Variants in DLGAP2 observed in about 807,000 individuals in gnomAD.
DLGAP2 encodes DLG associated protein 2.
In DLGAP2, 26 loss-of-function variants were observed where a neutral mutation model predicts 100.3. The observed-to-expected ratio is 0.26, with a 90% CI of 0.19 to 0.36. The LOEUF (loss-of-function observed/expected upper bound fraction) is 0.36, where lower values mean the gene tolerates loss of function less well. DLGAP2 is among the 10% of genes least tolerant of loss of function. The probability of loss-of-function intolerance (pLI) is 1.00; values close to 1 mark genes in which losing one functional copy is unlikely to be tolerated. For synonymous variants in DLGAP2, 886 were observed against 630.1 expected, an observed-to-expected ratio of 1.41 and a Z score of -6.08; for missense variants, 1,858 against 1,453.2, an observed-to-expected ratio of 1.28 and a Z score of -4.53.
At chr8:1,660,090 C>T (rs768390159) in intron 8 of DLGAP2, among the ~76,000 whole-genome samples, 11 of 152,058 alleles carry the variant, frequency 7.2e-5, no homozygotes, top group Admixed American at 2.0e-4. Context: ...TTTTATTTCT[C>T]CTTCACTTAT....
intron 2 of DLGAP2, among the ~76,000 whole-genome samples, chr8:1,045,738 C>T (rs1309369318): frequency 1.3e-5 from 2 of 152,142 alleles, no homozygotes; most frequent in Non-Finnish European, 2.9e-5. Flanking sequence ...TGTGTGTTGT[C>T]TGTTTTGTTC....
At position 1,045,920 on chromosome 8, in the gene DLGAP2, A is replaced by C. The variant is rs117439783; in HGVS notation, c.73+137954A>C. 1.4e-3 allele frequency among the ~76,000 whole-genome samples: 218 copies of C among 152,290 alleles called. 7 individuals are homozygous for C. The East Asian group carries it at 0.032, about 22-fold the overall frequency. On this transcript the variant is annotated intron_variant, in intron 2 of 14. Coordinates refer to ENST00000637795, the MANE Select transcript of DLGAP2 (RefSeq NM_001346810.2). Reference sequence around the variant, plus strand: ...GTTGACTCCCAGACCTGCCGTTTGTAATCAAGTTTAACGGGGCTTGGGTCC... The same window carrying C: ...GTTGACTCCCAGACCTGCCGTTTGTCATCAAGTTTAACGGGGCTTGGGTCC...
chr8:1,474,710 A>AC (rs1212763735), intron 3 of DLGAP2, among the ~76,000 whole-genome samples: 18 of 152,174 alleles, frequency 1.2e-4, no homozygotes, highest in African/African-American at 3.9e-4. Flanking sequence ...GGCTTTTGTT[A>AC]AAAGGTTAAA....
chr8:1,573,236 T>C (rs1405975933), intron 6 of DLGAP2, among the ~76,000 whole-genome samples: 5 of 127,554 alleles, frequency 3.9e-5, no homozygotes, highest in African/African-American at 1.6e-4. Context: ...GAGGGTGAAC[T>C]GGAGGGGCGT....
At chr8:982,326 G>C (rs1236026953) in intron 2 of DLGAP2, among the ~76,000 whole-genome samples, 1 of 152,202 alleles carries the variant, frequency 6.6e-6, no homozygotes, top group East Asian at 1.9e-4. Context: ...AGTTTTTACT[G>C]TAATAATTTT....
Position 873,553 on chromosome 8 carries a change from A to G in DLGAP2, c.19-34359A>G, listed in dbSNP as rs191924705. On this transcript the variant is annotated intron_variant, in intron 1 of 14. Coordinates refer to ENST00000637795, the MANE Select transcript of DLGAP2 (RefSeq NM_001346810.2). ...TAATTAATACTTTATAATTCTCTAT[A>G]TATAATTGCTGCATTCATTTTACTA... Among the ~76,000 whole-genome samples the G allele has an allele frequency of 2.0e-3, 299 of 152,276 alleles. 3 individuals carry two copies. The highest frequency in any genetic ancestry group is 7.0e-3 in the African/African-American group (290 of 41,560).
chr8:1,540,991 A>G (rs1801344261), intron 4 of DLGAP2, among the ~76,000 whole-genome samples: 1 of 152,210 alleles, frequency 6.6e-6, no homozygotes, highest in Non-Finnish European at 1.5e-5. Context: ...AGGGATCCAC[A>G]GTTTGGTAAC....
At chr8:1,149,559 A>G (rs1169369147) in intron 2 of DLGAP2, among the ~76,000 whole-genome samples, 3 of 152,150 alleles carry the variant, frequency 2.0e-5, no homozygotes, top group African/African-American at 7.2e-5. Context: ...GTCTTCTTTC[A>G]TCATTTTACT....
intron 3 of DLGAP2, chr8:1,373,573 T>C (rs992089700): frequency 6.6e-6 from 1 of 152,214 alleles, no homozygotes; most frequent in African/African-American, 2.4e-5. Context: ...TTCAGTGAGA[T>C]CATTTCACCA....
Position 1,595,688 on chromosome 8 carries a change from A to AAG in DLGAP2, c.1442+29795_1442+29796insGA, listed in dbSNP as rs1554505308. 2.7e-3 allele frequency among the ~76,000 whole-genome samples: 394 copies of AAG among 147,852 alleles called. 9 individuals carry two copies. Among genetic ancestry groups the AAG allele is most frequent in the Non-Finnish European group, 3.6e-3 (242 of 66,864 alleles). ...GACTCCGTCTCAAAAAAAAAAAAAAAAAAGAAATAGGTCATTCCGGAAGCC... is the reference window on the plus strand; with the variant it reads ...GACTCCGTCTCAAAAAAAAAAAAAAAAGAAAGAAATAGGTCATTCCGGAAGCC... On this transcript the variant is annotated intron_variant, in intron 6 of 14. Transcript: ENST00000637795.
At chr8:977,720 GGGGAGGGCGTCGGGGATGCA>G (rs1216312842) in intron 2 of DLGAP2, among the ~76,000 whole-genome samples, 3,813 of 125,034 alleles carry the variant, frequency 0.03, 689 homozygotes, top group Admixed American at 0.056. Context: ...TTAGTAATGT[GGGGAGGGCGTCGGGGATGCA>G]GTGAGGGGCT....
At chr8:1,656,340 G>A (rs373449132) in intron 8 of DLGAP2, among the ~76,000 whole-genome samples, 1 of 151,880 alleles carries the variant, frequency 6.6e-6, no homozygotes, top group African/African-American at 2.4e-5. Context: ...GCCATTTGTT[G>A]TGGCCAGTAG....
In DLGAP2 at chr8:1,174,071, G is replaced by C. The variant is rs1042944957; in HGVS notation, c.74-84780G>C. 4.6e-5 allele frequency among the ~76,000 whole-genome samples: 7 copies of C among 152,288 alleles called. No individual in the cohort carries two copies. The East Asian group carries it at 1.4e-3, about 29-fold the overall frequency. On this transcript the variant is annotated intron_variant, in intron 2 of 14. Coordinates refer to ENST00000637795, the MANE Select transcript of DLGAP2 (RefSeq NM_001346810.2). ...ATGACACAGCTATGCCTGGGCTGTT[G>C]TAGGGGTCATGGGAGCAGTGTTAAA...
intron 3 of DLGAP2, 135 bp from the exon 4 acceptor site, chr8:1,501,231 G>C: frequency 1.1e-6 from 1 of 911,278 alleles, no homozygotes; most frequent in East Asian, 2.7e-5. Context: ...GCTCTGAGCG[G>C]TGACGTTTGA....
chr8:1,469,206 C>T (rs528181147), intron 3 of DLGAP2, among the ~76,000 whole-genome samples: 202 of 152,358 alleles, frequency 1.3e-3, no homozygotes, highest in African/African-American at 4.7e-3. Flanking sequence ...GCTTCCTCCC[C>T]TCGCCCAGCT....
intron 11 of DLGAP2, among the ~76,000 whole-genome samples, 170 bp downstream of exon 11, chr8:1,676,788 G>A (rs564014359): frequency 1.1e-4 from 16 of 152,280 alleles, no homozygotes; most frequent in South Asian, 1.0e-3. Flanking sequence ...ATTAACACCC[G>A]CCTATGTCTT....
chr8:798,830 G>C (rs4075378), intron 1 of DLGAP2, among the ~76,000 whole-genome samples: 1 of 114,876 alleles, frequency 8.7e-6, no homozygotes, highest in Non-Finnish European at 1.9e-5. Flanking sequence ...TTCCGTTGGC[G>C]CTGAAAGCAA....
At chr8:1,512,728 G>A (rs931417803) in intron 4 of DLGAP2, among the ~76,000 whole-genome samples, 5 of 152,242 alleles carry the variant, frequency 3.3e-5, no homozygotes, top group African/African-American at 4.8e-5. Context: ...TGTGTCCATG[G>A]AGTAGAGATC....
intron 1 of DLGAP2, among the ~76,000 whole-genome samples, chr8:832,441 T>C (rs973879518): frequency 3.9e-5 from 6 of 152,214 alleles, no homozygotes; most frequent in Non-Finnish European, 7.3e-5. Context: ...TTAATTTTAT[T>C]GTTTACAGTC....
Sources: allele counts gnomAD v4.1 joint callset (sites outside exome capture counted in the v4.1 genomes callset), GRCh38; gene constraint gnomAD v4.1.1; transcripts MANE v1.5; gene names NCBI Gene and HGNC (gene_info 2026-07-23, HGNC 2026-07-21).